The following GNAI1 variants were observed in gnomAD, a reference collection of about 807,000 sequenced individuals.
GNAI1 encodes G protein subunit alpha i1.
A neutral mutation model predicts 38.9 loss-of-function variants in GNAI1; 11 were observed. The ratio of observed to expected loss-of-function variants is 0.28; its 90% CI spans 0.18 to 0.47. The LOEUF is 0.47. Among genes scored for constraint, GNAI1 ranks in the 20% least tolerant of loss-of-function variants. The pLI is 0.99. For missense variants in GNAI1, 317 were observed against 436.9 expected, an observed-to-expected ratio of 0.73 and a Z score of 2.45; for synonymous variants, 166 against 145.1, an observed-to-expected ratio of 1.14 and a Z score of -1.04.
At chr7:80,176,208 C>G (rs1235886128) in intron 1 of GNAI1, among the ~76,000 whole-genome samples, 1 of 152,210 alleles carries the variant, frequency 6.6e-6, no homozygotes, top group South Asian at 2.1e-4. Context: ...GAAAATCAAA[C>G]TAGCCACAAC....
intron 1 of GNAI1, among the ~76,000 whole-genome samples, chr7:80,176,271 G>T (rs759635234): frequency 6.6e-6 from 1 of 152,180 alleles, no homozygotes; most frequent in African/African-American, 2.4e-5. Context: ...CTTCCGTTCC[G>T]TGAAGGTTGA....
chr7:80,171,019 A>G (rs1788090536), intron 1 of GNAI1, among the ~76,000 whole-genome samples: 3 of 152,196 alleles, frequency 2.0e-5, no homozygotes, highest in South Asian at 2.1e-4. Context: ...AATTCAGTTT[A>G]CAGTTGAGGT....
At chr7:80,162,051 G>A (rs983467145) in intron 1 of GNAI1, among the ~76,000 whole-genome samples, 1 of 152,130 alleles carries the variant, frequency 6.6e-6, no homozygotes, top group Non-Finnish European at 1.5e-5. Flanking sequence ...GGCATTTGGA[G>A]GTGGGGCATT....
chr7:80,139,426 C>A (rs535675580), intron 1 of GNAI1, among the ~76,000 whole-genome samples: 1 of 152,264 alleles, frequency 6.6e-6, no homozygotes, highest in African/African-American at 2.4e-5. Flanking sequence ...CCTTAGGGCA[C>A]CCTTCTCCAA....
intron 1 of GNAI1, among the ~76,000 whole-genome samples, chr7:80,175,364 ATGTGTGTG>A (rs71518972): frequency 2.0e-5 from 3 of 150,372 alleles, no homozygotes; most frequent in African/African-American, 7.3e-5. Context: ...GTGTATATTT[ATGTGTGTG>A]TGTGTGTGTG....
intron 1 of GNAI1, among the ~76,000 whole-genome samples, chr7:80,176,923 G>GGA (rs901224572): frequency 2.9e-5 from 4 of 136,776 alleles, no homozygotes; most frequent in African/African-American, 1.1e-4. Flanking sequence ...GGCGACAAGG[G>GGA]GAGACTCTGT....
chr7:80,168,176 A>G (rs532136089), intron 1 of GNAI1, among the ~76,000 whole-genome samples: 1 of 152,256 alleles, frequency 6.6e-6, no homozygotes, highest in South Asian at 2.1e-4. Flanking sequence ...ACTAGAGAAT[A>G]TACAAGAAAT....
intron 7 of GNAI1, among the ~76,000 whole-genome samples, chr7:80,213,469 T>C (rs1321502330): frequency 6.6e-6 from 1 of 152,192 alleles, no homozygotes; most frequent in Non-Finnish European, 1.5e-5. Flanking sequence ...CATAATTAGC[T>C]CTTTGATCTT....
At chr7:80,186,642 G>C (rs935625510) in intron 1 of GNAI1, among the ~76,000 whole-genome samples, 11 of 152,144 alleles carry the variant, frequency 7.2e-5, no homozygotes, top group African/African-American at 2.7e-4. Context: ...GGGCTTTTCA[G>C]TTGTTTCACT....
rs1048580820 is a variant in GNAI1, at chr7:80,225,393, A to G, written c.*7900A>G. Among the ~76,000 whole-genome samples the G allele has an allele frequency of 6.6e-6, 1 of 151,896 alleles. No individual in the cohort carries two copies. The highest frequency in any genetic ancestry group is 1.5e-5 in the Non-Finnish European group (1 of 67,980). On this transcript the variant is annotated 3_prime_UTR_variant, in exon 8 of 8. Transcript: ENST00000649796. ...GAAAATTATTAAATCCAGTTTACAG[A>G]CTCATCTCTTTAGTCTGCAGCCAAA...
intron 1 of GNAI1, among the ~76,000 whole-genome samples, chr7:80,142,018 T>G (rs1787535233): frequency 6.6e-6 from 1 of 152,222 alleles, no homozygotes; most frequent in Admixed American, 6.5e-5. Context: ...ATTCACATAT[T>G]TTCTAAGGTG....
At chr7:80,189,792 A>T (rs1292450856) in intron 3 of GNAI1, among the ~76,000 whole-genome samples, 1 of 152,160 alleles carries the variant, frequency 6.6e-6, no homozygotes, top group African/African-American at 2.4e-5. Context: ...CCAAGAAAGA[A>T]ACTAGCACCC....
At chr7:80,211,706 A>G (rs1018499189) in intron 6 of GNAI1, among the ~76,000 whole-genome samples, 8 of 152,174 alleles carry the variant, frequency 5.3e-5, no homozygotes, top group African/African-American at 1.4e-4. Flanking sequence ...GGCCTGAGCC[A>G]CCGCACCCAG....
chr7:80,157,529 C>A (rs1787839408), intron 1 of GNAI1, among the ~76,000 whole-genome samples: 1 of 152,110 alleles, frequency 6.6e-6, no homozygotes, highest in South Asian at 2.1e-4. Flanking sequence ...AAACTGTGTT[C>A]CACAGAGACT....
rs537705985 is a variant in GNAI1, at chr7:80,208,984, C to G, written c.591-1985C>G. Reference sequence around the variant, plus strand: ...CGTTTGTATATCTACAACATTCTGTCCACAATGATACATGTATTCTCTAAG... The same window carrying G: ...CGTTTGTATATCTACAACATTCTGTGCACAATGATACATGTATTCTCTAAG... On this transcript the variant is annotated intron_variant, in intron 5 of 7. Transcript: ENST00000649796. Among the ~76,000 whole-genome samples, 3 of 152,280 alleles carry G rather than the reference C, an allele frequency of 2.0e-5. No homozygotes were observed. In the East Asian group the frequency reaches 5.8e-4, roughly 29 times the overall value.
chr7:80,164,513 C>T (rs965705608), intron 1 of GNAI1, among the ~76,000 whole-genome samples: 15 of 151,988 alleles, frequency 9.9e-5, no homozygotes, highest in African/African-American at 3.6e-4. Context: ...AGGCGCCCAC[C>T]ACCACACCCG....
chr7:80,156,374 C>T (rs1584014133), intron 1 of GNAI1, among the ~76,000 whole-genome samples: 1 of 151,634 alleles, frequency 6.6e-6, no homozygotes, highest in South Asian at 2.1e-4. Context: ...TCAAACACCC[C>T]GAGTGTATGT....
intron 7 of GNAI1, 105 bp from the exon 8 acceptor site, chr7:80,217,198 C>CTGTATGAAACTGACTTCAGTGTCATA: frequency 2.1e-6 from 1 of 478,782 alleles, no homozygotes; most frequent in South Asian, 4.8e-5. Context: ...ATGAATGAAA[C>CTGTATGAAACTGACTTCAGTGTCATA]TGTATGAAAC....
chr7:80,184,907 A>G (rs1788363070), intron 1 of GNAI1, among the ~76,000 whole-genome samples: 1 of 152,184 alleles, frequency 6.6e-6, no homozygotes, highest in East Asian at 1.9e-4. Context: ...TTCACTCCAC[A>G]GTGATTAGTT....
Sources: allele counts gnomAD v4.1 joint callset (sites outside exome capture counted in the v4.1 genomes callset), GRCh38; gene constraint gnomAD v4.1.1; transcripts MANE v1.5; gene names NCBI Gene and HGNC (gene_info 2026-07-23, HGNC 2026-07-21).